The following CLIP1 variants were observed in gnomAD, a reference collection of about 807,000 sequenced individuals.
The protein encoded by CLIP1 is CAP-Gly domain-containing linker protein 1.
A neutral mutation model predicts 161.6 loss-of-function variants in CLIP1; 66 were observed. The observed-to-expected ratio is 0.41, with a 90% CI of 0.33 to 0.50. The LOEUF is 0.50. Ranked by LOEUF, CLIP1 falls within the 20% of genes least tolerant of loss-of-function variation. CLIP1 has a pLI of 0.27. For missense variants in CLIP1, 1,376 were observed against 1,702.0 expected, an observed-to-expected ratio of 0.81 and a Z score of 3.37; for synonymous variants, 598 against 626.2, an observed-to-expected ratio of 0.96 and a Z score of 0.67.
At chr12:122,283,476 T>TTTA (rs1955728291) in intron 21 of CLIP1, among the ~76,000 whole-genome samples, 1 of 150,494 alleles carries the variant, frequency 6.6e-6, no homozygotes, top group African/African-American at 2.4e-5. Flanking sequence ...TTTTTTTTTT[T>TTTA]GAGATGGAAT....
At chr12:122,385,934 T>C (rs577399011) in intron 1 of CLIP1, among the ~76,000 whole-genome samples, 10 of 152,116 alleles carry the variant, frequency 6.6e-5, no homozygotes, top group Admixed American at 2.0e-4. Context: ...AAGTTTCATG[T>C]TCACAACTTG....
intron 10 of CLIP1, among the ~76,000 whole-genome samples, chr12:122,345,139 G>A (rs1952685959): frequency 6.6e-6 from 1 of 151,346 alleles, no homozygotes; most frequent in African/African-American, 2.4e-5. Flanking sequence ...TCAATTATTT[G>A]GCTCTCAGTT....
At chr12:122,315,090 G>C (rs947073323) in intron 19 of CLIP1, among the ~76,000 whole-genome samples, 3 of 152,064 alleles carry the variant, frequency 2.0e-5, no homozygotes, top group Non-Finnish European at 1.5e-5. Flanking sequence ...TCACTCCCAG[G>C]AAAATTTTAA....
intron 9 of CLIP1, among the ~76,000 whole-genome samples, chr12:122,350,612 G>A (rs1186929020): frequency 6.6e-6 from 1 of 151,888 alleles, no homozygotes; most frequent in Non-Finnish European, 1.5e-5. Context: ...CAGTGGCGGG[G>A]GCACACTGAA....
chr12:122,420,587 A>C (rs973925180), intron 1 of CLIP1, among the ~76,000 whole-genome samples: 1 of 152,126 alleles, frequency 6.6e-6, no homozygotes, highest in African/African-American at 2.4e-5. Flanking sequence ...AACCTTAAAA[A>C]TCGGGCACAA....
rs375144503 is a variant in CLIP1 at position 122,317,880 on chromosome 12, C to A, written c.3367-1025G>T. ...TGAATTCTGGCTATAACAAAGACACCAAGGGATCTGTTATAGAACGACACA... is the reference window on the plus strand; with the variant it reads ...TGAATTCTGGCTATAACAAAGACACAAAGGGATCTGTTATAGAACGACACA... On this transcript the variant is annotated intron_variant, in intron 18 of 25. Transcript: ENST00000620786. Among the ~76,000 whole-genome samples the A allele has an allele frequency of 5.9e-5, 9 of 152,260 alleles. No individual in the cohort carries two copies. The South Asian group carries it at 1.7e-3, about 28-fold the overall frequency.
chr12:122,380,010 C>T (rs1177381183), intron 2 of CLIP1, among the ~76,000 whole-genome samples: 3 of 141,672 alleles, frequency 2.1e-5, no homozygotes, highest in Non-Finnish European at 4.5e-5. Flanking sequence ...TTTGGGAGGC[C>T]GAGGTGGGTG....
intron 25 of CLIP1, 111 bp downstream of exon 25, chr12:122,273,927 T>G (rs1001693870): frequency 7.4e-6 from 6 of 814,992 alleles, no homozygotes; most frequent in Non-Finnish European, 1.2e-5. Context: ...AGACGAGGTT[T>G]CATCGTGTTG....
chr12:122,386,449 C>T (rs959831058), intron 1 of CLIP1, among the ~76,000 whole-genome samples: 7 of 151,992 alleles, frequency 4.6e-5, no homozygotes, highest in South Asian at 4.1e-4. Flanking sequence ...ACAGTGAGTC[C>T]GTGGAGCAGG....
At position 122,377,670 on chromosome 12, in the gene CLIP1, T is replaced by C; in HGVS notation, c.376A>G (p.Arg126Gly). The C allele has an allele frequency of 6.2e-7, 1 of 1,613,692 alleles. No individual in the cohort carries two copies. Among genetic ancestry groups the C allele is most frequent in the South Asian group, 1.1e-5 (1 of 91,066 alleles). ...GIFTRPSKLT[R>G]KVQAEDEANG... ...GCTTCATCTTCTGCTTGCACCTTCC[T>C]TGTTAACTTTGAAGGTCGGGTAAAT... Residue 126 changes from arginine (R) to glycine (G), a missense_variant, in exon 3 of 26, where the codon AGG becomes GGG. This residue lies in a region of CLIP1 where 119 missense variants were observed against 112.0 expected (regional missense o/e 1.06). Coordinates refer to ENST00000620786, the MANE Select transcript of CLIP1 (RefSeq NM_001247997.2).
At chr12:122,397,100 A>G (rs1289986713) in intron 1 of CLIP1, among the ~76,000 whole-genome samples, 1 of 150,958 alleles carries the variant, frequency 6.6e-6, no homozygotes. Flanking sequence ...CTGGATTCAC[A>G]CCATATTTCC....
intron 21 of CLIP1, among the ~76,000 whole-genome samples, chr12:122,281,630 C>T (rs1167476468): frequency 1.3e-5 from 2 of 151,784 alleles, no homozygotes; most frequent in African/African-American, 4.8e-5. Context: ...GGGAGGATGG[C>T]TTGAGCCCAG....
intron 20 of CLIP1, among the ~76,000 whole-genome samples, chr12:122,302,952 G>C (rs558897998): frequency 6.6e-6 from 1 of 152,094 alleles, no homozygotes; most frequent in South Asian, 2.1e-4. Context: ...GGCTGGTCTT[G>C]AACTCCTAAG....
intron 20 of CLIP1, among the ~76,000 whole-genome samples, chr12:122,293,000 C>CT (rs1950313743): frequency 1.2e-5 from 1 of 83,308 alleles, no homozygotes; most frequent in Non-Finnish European, 1.9e-5. Flanking sequence ...AAGACTCTGT[C>CT]TCAAAAAAAA....
At chr12:122,401,415 T>C (rs933850036) in intron 1 of CLIP1, among the ~76,000 whole-genome samples, 2 of 152,036 alleles carry the variant, frequency 1.3e-5, no homozygotes, top group African/African-American at 4.8e-5. Flanking sequence ...ACGGTAATCC[T>C]AGCACTTTGG....
intron 20 of CLIP1, among the ~76,000 whole-genome samples, chr12:122,289,302 C>T (rs113627358): frequency 1.6e-4 from 24 of 152,034 alleles, no homozygotes; most frequent in African/African-American, 5.8e-4. Flanking sequence ...GCCTACAATC[C>T]CAGCTACTCA....
chr12:122,288,168 G>T (rs1320483699), intron 21 of CLIP1, among the ~76,000 whole-genome samples: 1 of 152,052 alleles, frequency 6.6e-6, no homozygotes, highest in African/African-American at 2.4e-5. Flanking sequence ...AAGTAGTTGA[G>T]ATTACAGGCA....
At chr12:122,403,708 A>T (rs1956222147) in intron 1 of CLIP1, among the ~76,000 whole-genome samples, 1 of 151,574 alleles carries the variant, frequency 6.6e-6, no homozygotes, top group Non-Finnish European at 1.5e-5. Flanking sequence ...TTTAGTAGAG[A>T]CAGGGTTTCA....
In CLIP1 at chr12:122,355,324, A is replaced by G; in HGVS notation, c.1006-12T>C. The G allele has an allele frequency of 6.2e-7, 1 of 1,610,134 alleles. No individual in the cohort carries two copies. Among genetic ancestry groups the G allele is most frequent in the Non-Finnish European group, 8.5e-7 (1 of 1,177,100 alleles). On this transcript the variant is annotated splice_polypyrimidine_tract_variant and intron_variant, in intron 5 of 25. Coordinates refer to ENST00000620786, the MANE Select transcript of CLIP1 (RefSeq NM_001247997.2). This position sits in a 1 kb window ranked among gnomAD's most constrained non-coding sequence, Gnocchi z 4.1. ...GAGGTTTCAGTCAACTGTAAAGGAAAGTTAGAGAAATGAAGGGCGATGATG... is the reference window on the plus strand; with the variant it reads ...GAGGTTTCAGTCAACTGTAAAGGAAGGTTAGAGAAATGAAGGGCGATGATG...
Sources: gnomAD v4.1 joint callset for allele counts (sites outside exome capture counted in the v4.1 genomes callset) on GRCh38, gnomAD v4.1.1 for gene constraint, gnomAD v4.1.1 regional missense constraint, Gnocchi (gnomAD v3.1) non-coding constraint, MANE v1.5 for transcripts, NCBI Gene and HGNC (gene_info 2026-07-23, HGNC 2026-07-21) for gene names.